The following ZNRF3 variants were observed in gnomAD, a reference collection of about 807,000 sequenced individuals.
ZNRF3 encodes E3 ubiquitin-protein ligase ZNRF3.
In ZNRF3, 23 loss-of-function variants were observed where a neutral mutation model predicts 72.5. The ratio of observed to expected loss-of-function variants is 0.32; its 90% confidence interval spans 0.23 to 0.45. ZNRF3 has a LOEUF of 0.45. Ranked by LOEUF, ZNRF3 falls within the 20% of genes least tolerant of loss-of-function variation. The pLI is 1.00. For missense variants in ZNRF3, 1,169 were observed against 1,272.1 expected, an observed-to-expected ratio of 0.92 and a Z score of 1.23; for synonymous variants, 610 against 545.3, an observed-to-expected ratio of 1.12 and a Z score of -1.65.
At chr22:29,035,743 ATTTT>A (rs771678036) in intron 2 of ZNRF3, among the ~76,000 whole-genome samples, 1 of 149,128 alleles carries the variant, frequency 6.7e-6, no homozygotes, top group South Asian at 2.1e-4. Flanking sequence ...GCCCAGCTAA[ATTTT>A]TTTTTTTATT....
intron 1 of ZNRF3, among the ~76,000 whole-genome samples, chr22:28,933,057 C>A (rs753305981): frequency 1.3e-5 from 2 of 152,190 alleles, no homozygotes; most frequent in South Asian, 4.1e-4. Flanking sequence ...GCCAAATCTT[C>A]CAAAGTACAT....
chr22:28,945,221 G>A lies in ZNRF3; in HGVS notation c.301-41855G>A, dbSNP rs144278509. Reference sequence around the variant, plus strand: ...AAGGATGTTCACTAACATGTTATTCGTAATAGAAAATTACTAACAATATCT... The same window carrying A: ...AAGGATGTTCACTAACATGTTATTCATAATAGAAAATTACTAACAATATCT... On this transcript the variant is annotated intron_variant, in intron 1 of 8. Coordinates refer to ENST00000544604, the MANE Select transcript of ZNRF3 (RefSeq NM_001206998.2). Among the ~76,000 whole-genome samples the A allele has an allele frequency of 2.3e-3, 355 of 151,172 alleles. 1 individual carries two copies. The highest frequency in any genetic ancestry group is 8.0e-3 in the African/African-American group (329 of 41,350).
intron 2 of ZNRF3, among the ~76,000 whole-genome samples, chr22:29,015,959 T>C (rs1000004119): frequency 1.4e-5 from 2 of 140,710 alleles, no homozygotes; most frequent in Admixed American, 8.0e-5. Flanking sequence ...GAGGTTGCGG[T>C]GAGCCAAGAT....
chr22:28,959,113 C>G (rs1415480449), intron 1 of ZNRF3, among the ~76,000 whole-genome samples: 2 of 152,216 alleles, frequency 1.3e-5, no homozygotes, highest in African/African-American at 4.8e-5. Flanking sequence ...GGTTTTGTTG[C>G]AAAGCTAGAG....
intron 2 of ZNRF3, among the ~76,000 whole-genome samples, chr22:29,038,271 T>A (rs561438849): frequency 1.3e-5 from 2 of 152,148 alleles, no homozygotes; most frequent in East Asian, 1.9e-4. Context: ...TCAAGGAATA[T>A]GCCTCATCAA....
intron 1 of ZNRF3, among the ~76,000 whole-genome samples, chr22:28,976,942 G>T (rs1427649668): frequency 6.6e-6 from 1 of 152,128 alleles, no homozygotes; most frequent in Non-Finnish European, 1.5e-5. Flanking sequence ...AGATATACAT[G>T]GGGCCATATG....
chr22:28,961,963 T>A (rs2035368818), intron 1 of ZNRF3, among the ~76,000 whole-genome samples: 1 of 152,210 alleles, frequency 6.6e-6, no homozygotes, highest in Non-Finnish European at 1.5e-5. Context: ...CTTTATCTTC[T>A]TGATTCAAGC....
In ZNRF3 at chr22:29,035,799, C is replaced by T. The variant is rs143821852; in HGVS notation, c.427-6696C>T. ...TTCACCGTGTTACCGAGGCTGCTCT[C>T]GAACTCCTGAACTAAGGCAATCCAC... On this transcript the variant is annotated intron_variant, in intron 2 of 8. Coordinates refer to ENST00000544604, the MANE Select transcript of ZNRF3 (RefSeq NM_001206998.2). Among the ~76,000 whole-genome samples the T allele has an allele frequency of 2.8e-3, 424 of 152,106 alleles. 4 individuals are homozygous for T. Among genetic ancestry groups the T allele is most frequent in the African/African-American group, 9.7e-3 (404 of 41,508 alleles).
intron 2 of ZNRF3, among the ~76,000 whole-genome samples, chr22:28,987,467 A>G (rs561902992): frequency 1.3e-5 from 2 of 152,184 alleles, no homozygotes; most frequent in Non-Finnish European, 2.9e-5. Flanking sequence ...GCTTCCCCTC[A>G]AGGAGTCTTA....
chr22:28,913,542 G>A (rs2034356309), intron 1 of ZNRF3, among the ~76,000 whole-genome samples: 1 of 152,156 alleles, frequency 6.6e-6, no homozygotes, highest in African/African-American at 2.4e-5. Flanking sequence ...CTGGGATAGA[G>A]TCATCACCAC....
chr22:28,991,195 T>C (rs1468337072), intron 2 of ZNRF3, among the ~76,000 whole-genome samples: 1 of 140,352 alleles, frequency 7.1e-6, no homozygotes, highest in East Asian at 2.1e-4. Flanking sequence ...GGTGGGAGGA[T>C]TGCTTGAGCC....
intron 1 of ZNRF3, among the ~76,000 whole-genome samples, chr22:28,940,923 AGTT>A (rs1281693323): frequency 1.8e-4 from 28 of 152,084 alleles, no homozygotes. Context: ...TTTTATGGAC[AGTT>A]GTTCCATTTT....
chr22:29,055,269 T>TATTC lies in ZNRF3; in HGVS notation c.*1658_*1661dup, dbSNP rs1412201741. 2.0e-5 allele frequency: 3 copies of TATTC among 152,252 alleles called. No individual in the cohort carries two copies. Among genetic ancestry groups the TATTC allele is most frequent in the Non-Finnish European group, 4.4e-5 (3 of 68,044 alleles). The allele number at this position is 152,252 out of a possible 1,614,324, so 9.4% of individuals were successfully genotyped here. On this transcript the variant is annotated 3_prime_UTR_variant, in exon 9 of 9. Coordinates refer to ENST00000544604, the MANE Select transcript of ZNRF3 (RefSeq NM_001206998.2). ...ACTCTTCTGGTCACTTGTATTTATT[T>TATTC]ATTCATTCATTCATCAGATATTTGT...
chr22:28,925,148 T>C (rs192484904), intron 1 of ZNRF3, among the ~76,000 whole-genome samples: 134 of 152,330 alleles, frequency 8.8e-4, no homozygotes, highest in Non-Finnish European at 1.4e-3. Context: ...GACAGATAGA[T>C]GAAGAAGCCT....
At chr22:29,044,719 C>T in intron 4 of ZNRF3, 61 bp from the exon 5 acceptor site, 1 of 1,150,578 alleles carries the variant, frequency 8.7e-7, no homozygotes, top group Non-Finnish European at 1.3e-6. Context: ...CAAGATAGCC[C>T]ATGTGCCGCT....
chr22:28,909,432 A>T (rs1250640277), intron 1 of ZNRF3, among the ~76,000 whole-genome samples: 1 of 151,824 alleles, frequency 6.6e-6, no homozygotes, highest in Non-Finnish European at 1.5e-5. Flanking sequence ...GATGATTTTC[A>T]TGGTATTTTT....
chr22:28,884,205 C>T (rs1457907324), intron 1 of ZNRF3, 139 bp downstream of exon 1: 4 of 646,436 alleles, frequency 6.2e-6, no homozygotes, highest in Non-Finnish European at 7.8e-6. Flanking sequence ...CATCCCTCCC[C>T]TGCGGGCGGG....
At chr22:29,032,105 G>A (rs944038937) in intron 2 of ZNRF3, among the ~76,000 whole-genome samples, 2 of 152,208 alleles carry the variant, frequency 1.3e-5, no homozygotes, top group African/African-American at 4.8e-5. Flanking sequence ...GCTGTATGGT[G>A]TGGCCATATT....
At chr22:28,916,237 A>G (rs1429725334) in intron 1 of ZNRF3, among the ~76,000 whole-genome samples, 1 of 151,612 alleles carries the variant, frequency 6.6e-6, no homozygotes, top group Admixed American at 6.6e-5. Context: ...AATTTTGTTT[A>G]TTTTTTTGTA....
Sources: gnomAD v4.1 joint callset for allele counts (sites outside exome capture counted in the v4.1 genomes callset) on GRCh38, gnomAD v4.1.1 for gene constraint, MANE v1.5 for transcripts, NCBI Gene and HGNC (gene_info 2026-07-23, HGNC 2026-07-21) for gene names.